MAP3K13: variants seen among roughly 807,000 people sequenced by gnomAD.
MAP3K13 encodes the protein mitogen-activated protein kinase kinase kinase 13.
MAP3K13 carries 52 observed loss-of-function variants against 104.0 expected under a neutral mutation model. That is an observed-to-expected ratio of 0.50 (90% CI 0.40 to 0.63). The LOEUF (loss-of-function observed/expected upper bound fraction) is 0.63. Among genes scored for constraint, MAP3K13 ranks in the 20% least tolerant of loss-of-function variants. MAP3K13 has a pLI of 0.00. For missense variants in MAP3K13, 914 were observed against 1,218.5 expected (o/e 0.75, Z 3.72); for synonymous variants, 394 against 442.2 (o/e 0.89, Z 1.37).
At position 185,363,222 on chromosome 3, in the gene MAP3K13, T is replaced by G; in HGVS notation, c.-232T>G. The G allele has an allele frequency of 1.0e-6, 1 of 985,376 alleles. No individual in the cohort carries two copies. Among genetic ancestry groups the G allele is most frequent in the Non-Finnish European group, 1.2e-6 (1 of 829,940 alleles). The allele number at this position is 985,376 out of a possible 1,614,324, so 61.0% of individuals were successfully genotyped here. The stretch of plus-strand genomic sequence containing the variant: ...ATGAATCTGTGACGTCAGCAAGCCT[T>G]TGGGCTCCTTTGCGGTGGGCTGGAG... On this transcript the variant is annotated 5_prime_UTR_variant, in exon 1 of 14. Transcript: ENST00000265026.
chr3:185,431,492 A>C (rs1025091529), intron 2 of MAP3K13, among the ~76,000 whole-genome samples: 1 of 152,226 alleles, frequency 6.6e-6, no homozygotes, highest in African/African-American at 2.4e-5. Context: ...GGAATAGTTG[A>C]ATTCAAAAGA....
At chr3:185,351,467 C>G (rs997651517) in intron 2 of MAP3K13, among the ~76,000 whole-genome samples, 1 of 152,124 alleles carries the variant, frequency 6.6e-6, no homozygotes, top group African/African-American at 2.4e-5. Flanking sequence ...AAGAAAGAGG[C>G]AGTGTTAGTG....
intron 1 of MAP3K13, among the ~76,000 whole-genome samples, chr3:185,398,813 C>G (rs7644730): frequency 0.7 from 106,815 of 152,060 alleles, 38,111 homozygotes; most frequent in Non-Finnish European, 0.77. Flanking sequence ...ATGCTAAGTG[C>G]TCAGAGTCAA....
At position 185,486,048 on chromosome 3, in the gene MAP3K13, T is replaced by A. The variant is rs1718702987; in HGVS notation, c.*3592T>A. 6.6e-6 allele frequency: 1 copy of A among 152,236 alleles called. No individual in the cohort carries two copies. The highest frequency in any genetic ancestry group is 1.5e-5 in the Non-Finnish European group (1 of 68,044). 9.4% of individuals were successfully genotyped at this position (152,236 alleles called of 1,614,324 possible). On this transcript the variant is annotated 3_prime_UTR_variant, in exon 14 of 14. Transcript: ENST00000265026. ...ACAGAGATGCTACAACTCTATGTCT[T>A]CTTTCTATCCAACATAAAACACTGG...
At chr3:185,294,029 C>A (rs377147778) in intron 2 of MAP3K13, among the ~76,000 whole-genome samples, 16 of 152,094 alleles carry the variant, frequency 1.1e-4, no homozygotes, top group African/African-American at 3.6e-4. Context: ...TTACTTGTAT[C>A]TTTCTGGCCT....
Position 185,450,181 on chromosome 3 carries a change from C to A in MAP3K13, c.1169+123C>A. 3 of 838,576 alleles carry A rather than the reference C, an allele frequency of 3.6e-6. No homozygotes were observed. The highest frequency in any genetic ancestry group is 5.1e-6 in the Non-Finnish European group (3 of 587,098). The allele number at this position is 838,576 out of a possible 1,614,324, so 51.9% of individuals were successfully genotyped here. A position where few individuals can be genotyped will look rare whatever the true frequency, so the allele number is the denominator to read the frequency against. ...ATCTTGGGTTCAAATACTAGCTCTG[C>A]CCCTTTCTATCTGTGCAATTTTGGG... On this transcript the variant is annotated intron_variant, in intron 6 of 13. Coordinates refer to ENST00000265026, the MANE Select transcript of MAP3K13 (RefSeq NM_004721.5). This position sits in a 1 kb window ranked among gnomAD's most constrained non-coding sequence, Gnocchi z 4.2.
At chr3:185,329,433 G>T (rs1048652029) in intron 2 of MAP3K13, among the ~76,000 whole-genome samples, 5 of 152,120 alleles carry the variant, frequency 3.3e-5, no homozygotes, top group African/African-American at 1.2e-4. Flanking sequence ...AAAAGAATGA[G>T]AATAAAGTAG....
intron 2 of MAP3K13, among the ~76,000 whole-genome samples, chr3:185,305,685 G>T (rs931285273): frequency 1.3e-5 from 2 of 152,040 alleles, no homozygotes; most frequent in Non-Finnish European, 2.9e-5. Context: ...CAGCTCTAGT[G>T]CTGAACTCCT....
At chr3:185,298,972 C>T (rs986997036) in intron 2 of MAP3K13, among the ~76,000 whole-genome samples, 6 of 152,158 alleles carry the variant, frequency 3.9e-5, no homozygotes, top group African/African-American at 1.4e-4. Flanking sequence ...ACGTTCCAAA[C>T]GTGTAATCAC....
chr3:185,484,798 T>C lies in MAP3K13; in HGVS notation c.*2342T>C, dbSNP rs1718644431. On this transcript the variant is annotated 3_prime_UTR_variant, in exon 14 of 14. Coordinates refer to ENST00000265026, the MANE Select transcript of MAP3K13 (RefSeq NM_004721.5). ...TCATTGTTATTTTATTTTATAATAT[T>C]ATCATTCTCATTTTCTGTCGATCAG... The C allele has an allele frequency of 6.6e-6, 1 of 152,220 alleles. No individual in the cohort carries two copies. Among genetic ancestry groups the C allele is most frequent in the African/African-American group, 2.4e-5 (1 of 41,444 alleles). 9.4% of individuals were successfully genotyped at this position (152,220 alleles called of 1,614,324 possible).
intron 2 of MAP3K13, among the ~76,000 whole-genome samples, chr3:185,330,689 A>G (rs963235743): frequency 2.6e-5 from 4 of 152,136 alleles, no homozygotes; most frequent in Non-Finnish European, 4.4e-5. Flanking sequence ...CTGGAAGGCC[A>G]TACAGGTGTG....
chr3:185,400,898 T>C (rs1712759233), intron 1 of MAP3K13, among the ~76,000 whole-genome samples: 1 of 83,456 alleles, frequency 1.2e-5, no homozygotes, highest in African/African-American at 5.0e-5. Context: ...ATTCTGGGTG[T>C]TTGTTTGTTT....
intron 2 of MAP3K13, among the ~76,000 whole-genome samples, chr3:185,348,831 C>T (rs1317251561): frequency 3.9e-5 from 6 of 152,140 alleles, no homozygotes; most frequent in South Asian, 4.1e-4. Context: ...GCAGGACAAT[C>T]GCTTGAACCC....
chr3:185,397,275 T>C (rs971049092), intron 1 of MAP3K13, among the ~76,000 whole-genome samples: 3 of 152,260 alleles, frequency 2.0e-5, no homozygotes, highest in African/African-American at 7.2e-5. Flanking sequence ...GAATGTTTTT[T>C]CTAATTGCTT....
At chr3:185,401,623 T>G (rs138933042) in intron 1 of MAP3K13, among the ~76,000 whole-genome samples, 64 of 152,336 alleles carry the variant, frequency 4.2e-4, no homozygotes, top group African/African-American at 1.5e-3. Flanking sequence ...TTAAATTGCT[T>G]CCCTCTTTTT....
chr3:185,463,525 C>G lies in MAP3K13; in HGVS notation c.1279-25C>G, dbSNP rs1462215352. The G allele has an allele frequency of 4.3e-6, 6 of 1,383,932 alleles. No homozygotes were observed. In the South Asian group the frequency reaches 5.9e-5, roughly 14 times the overall value. 85.7% of individuals were successfully genotyped at this position (1,383,932 alleles called of 1,614,324 possible). A position where few individuals can be genotyped will look rare whatever the true frequency, so the allele number is the denominator to read the frequency against. On this transcript the variant is annotated intron_variant, in intron 7 of 13. Transcript: ENST00000265026. The stretch of plus-strand genomic sequence containing the variant: ...AGGGATTGAAACTCCTGGAATTTAT[C>G]AAAATCTAATTTGTCCTTACCCAGG...
At chr3:185,402,824 C>T (rs1712894032) in intron 1 of MAP3K13, among the ~76,000 whole-genome samples, 1 of 152,150 alleles carries the variant, frequency 6.6e-6, no homozygotes, top group South Asian at 2.1e-4. Context: ...TCCAGCTGGG[C>T]AATGTGCCTC....
At chr3:185,386,530 C>G (rs150607558) in intron 1 of MAP3K13, among the ~76,000 whole-genome samples, 4 of 152,160 alleles carry the variant, frequency 2.6e-5, no homozygotes, top group Non-Finnish European at 5.9e-5. Context: ...TACCATTTGA[C>G]CCAGCAATCC....
At chr3:185,391,540 G>C (rs185786297) in intron 1 of MAP3K13, among the ~76,000 whole-genome samples, 1 of 152,244 alleles carries the variant, frequency 6.6e-6, no homozygotes, top group East Asian at 1.9e-4. Flanking sequence ...AACACAGAAA[G>C]GACCTCTAAT....
Sources: gnomAD v4.1 joint callset for allele counts (sites outside exome capture counted in the v4.1 genomes callset) on GRCh38, gnomAD v4.1.1 for gene constraint, Gnocchi (gnomAD v3.1) non-coding constraint, MANE v1.5 for transcripts, NCBI Gene and HGNC (gene_info 2026-07-23, HGNC 2026-07-21) for gene names.